The following DOK7 variants were observed in gnomAD, a reference collection of about 807,000 sequenced individuals.
The protein encoded by DOK7 is protein Dok-7.
In DOK7, 32 loss-of-function variants were observed where a neutral mutation model predicts 30.7. The observed-to-expected ratio is 1.04, with a 90% CI of 0.79 to 1.40. The LOEUF is 1.40. Ranked by LOEUF, DOK7 falls within the 40% of genes most tolerant of loss-of-function variation. The pLI, the probability that DOK7 is intolerant of heterozygous loss-of-function variation, is 0.00. For synonymous variants in DOK7, 447 were observed against 324.1 expected (o/e 1.38, Z -4.07); for missense variants, 1,007 against 699.2 (o/e 1.44, Z -4.97).
intron 2 of DOK7, among the ~76,000 whole-genome samples, chr4:3,472,573 C>G (rs1726820791): frequency 1.3e-5 from 2 of 152,232 alleles, no homozygotes; most frequent in Non-Finnish European, 2.9e-5. Flanking sequence ...ACCTGCTGCC[C>G]CCGCCATTCA....
chr4:3,491,142 CCCATTCCTTCCTTCCTT>C (rs1728375564), intron 6 of DOK7, among the ~76,000 whole-genome samples: 1 of 106,056 alleles, frequency 9.4e-6, no homozygotes, highest in Non-Finnish European at 1.9e-5. Flanking sequence ...CTCCCTTCCC[CCCATTCCTTCCTTCCTT>C]CTTCCTCCTG....
intron 6 of DOK7, among the ~76,000 whole-genome samples, chr4:3,491,031 TCCC>T (rs200086860): frequency 2.7e-5 from 2 of 73,324 alleles, no homozygotes; most frequent in African/African-American, 1.0e-4. Flanking sequence ...ATTCCTTCCT[TCCC>T]CCCCATTCCT....
rs1245946143 is a variant in DOK7 at position 3,473,588 on chromosome 4, G to A, written c.283G>A (p.Glu95Lys). 1.2e-6 allele frequency: 2 copies of A among 1,607,012 alleles called. No homozygotes were observed. The highest frequency in any genetic ancestry group is 1.7e-5 in the Admixed American group (1 of 59,660). ...QAIMLGFDSH[E>K]AMCAWDARIR... ...CATCATGCTGGGCTTTGACAGCCAC[G>A]AGGCCATGTGTGCGTGGGATGCCCG... is the stretch of plus-strand genomic sequence containing the variant. Residue 95 changes from glutamate (E) to lysine (K), a missense_variant, in exon 3 of 7, where the codon GAG becomes AAG. By Grantham distance (56) the Glu-to-Lys change is moderately conservative. Transcript: ENST00000340083.
In DOK7 at chr4:3,487,935, C is replaced by T. The variant is rs558435885; in HGVS notation, c.653-1742C>T. ...GTGCACCAAGGAGCCAGGACTGGTG[C>T]CTGCTGTCCTGCCCACGTGGCTGAA... On this transcript the variant is annotated intron_variant, in intron 5 of 6. Coordinates refer to ENST00000340083, the MANE Select transcript of DOK7 (RefSeq NM_173660.5). 3.9e-5 allele frequency among the ~76,000 whole-genome samples: 6 copies of T among 152,352 alleles called. No individual in the cohort carries two copies. In the East Asian group the frequency reaches 9.6e-4, roughly 24 times the overall value.
chr4:3,473,044 G>A (rs78412317), intron 2 of DOK7, among the ~76,000 whole-genome samples: 5,101 of 152,298 alleles, frequency 0.033, 119 homozygotes, highest in Non-Finnish European at 0.049. Flanking sequence ...CCCCACGCTG[G>A]GCCCCCAAGC....
chr4:3,471,702 G>T (rs909520995), intron 2 of DOK7, among the ~76,000 whole-genome samples: 1 of 152,250 alleles, frequency 6.6e-6, no homozygotes, highest in Non-Finnish European at 1.5e-5. Context: ...CGCTGTGTTT[G>T]ATTTCTCTCT....
intron 4 of DOK7, chr4:3,484,699 G>A (rs1329346311): frequency 3.0e-6 from 3 of 985,384 alleles, no homozygotes; most frequent in Admixed American, 6.1e-5. Flanking sequence ...GGGGGTGCAG[G>A]GGTGGATGCT....
At chr4:3,494,495 A>G, downstream of DOK7, 2 of 985,512 alleles carry the variant, frequency 2.0e-6, no homozygotes, top group Non-Finnish European at 2.4e-6. Flanking sequence ...ACCTTGTCCT[A>G]GTCCGTTGCC....
At chr4:3,489,984 CCCACCA>C in intron 6 of DOK7, among the ~76,000 whole-genome samples, 188 bp downstream of exon 6, 1 of 133,462 alleles carries the variant, frequency 7.5e-6, no homozygotes, top group Non-Finnish European at 1.6e-5. Flanking sequence ...TCCTTCCTTC[CCCACCA>C]CCCTGCTCAT....
At position 3,493,341 on chromosome 4, in the gene DOK7, G is replaced by A. The variant is rs777057956; in HGVS notation, c.1355G>A (p.Arg452Gln). The change falls in exon 7 of 7, where the codon CGG (arginine) becomes CAG (glutamine). Residue 452 changes from arginine to glutamine, a missense_variant. By Grantham distance (43) the Arg-to-Gln change is conservative (BLOSUM62 1). Transcript: ENST00000340083. ...TCTGGCTGGCTGGGCACGAGACGGC[G>A]GGGCCTGGTGATGGAGGCCCCCCAG... Reference protein sequence around the residue: ...CPSGWLGTRRRGLVMEAPQGS... With the variant: ...CPSGWLGTRRQGLVMEAPQGS... 108 of 1,599,096 alleles carry A rather than the reference G, an allele frequency of 6.8e-5. No individual in the cohort carries two copies. Among genetic ancestry groups the A allele is most frequent in the East Asian group, 1.4e-4 (6 of 44,232 alleles).
At chr4:3,495,481 G>C (rs965233955), downstream of DOK7, among the ~76,000 whole-genome samples, 1 of 152,240 alleles carries the variant, frequency 6.6e-6, no homozygotes, top group Admixed American at 6.5e-5. Context: ...CCCCTGGACA[G>C]CCTTTCCCTG....
chr4:3,466,123 C>G (rs1210144694), intron 2 of DOK7, among the ~76,000 whole-genome samples: 1 of 152,218 alleles, frequency 6.6e-6, no homozygotes, highest in Non-Finnish European at 1.5e-5. Flanking sequence ...TGGGGGGAAG[C>G]TGAAACTCAG....
chr4:3,473,584 C>G lies in DOK7; in HGVS notation c.279C>G (p.Ser93Arg). The G allele has an allele frequency of 6.2e-7, 1 of 1,608,310 alleles. No homozygotes were observed. Among genetic ancestry groups the G allele is most frequent in the Non-Finnish European group, 8.5e-7 (1 of 1,177,798 alleles). ...LSQAIMLGFD[S>R]HEAMCAWDAR... The stretch of plus-strand genomic sequence containing the variant: ...AGGCCATCATGCTGGGCTTTGACAG[C>G]CACGAGGCCATGTGTGCGTGGGATG... Residue 93 changes from serine to arginine, a missense_variant, in exon 3 of 7, where the codon AGC becomes AGG. Ser to Arg is a moderately radical substitution (Grantham distance 110, BLOSUM62 -1). Coordinates refer to ENST00000340083, the MANE Select transcript of DOK7 (RefSeq NM_173660.5).
intron 2 of DOK7, among the ~76,000 whole-genome samples, chr4:3,472,306 C>T (rs569909499): frequency 4.6e-5 from 7 of 152,366 alleles, no homozygotes; most frequent in Admixed American, 3.3e-4. Context: ...GAAGAGTGAG[C>T]ACCTGCTTTT....
intron 2 of DOK7, among the ~76,000 whole-genome samples, chr4:3,471,920 C>T (rs11947232): frequency 0.24 from 35,966 of 152,160 alleles, 5,142 homozygotes; most frequent in African/African-American, 0.43. Context: ...GCACTGTCGC[C>T]GCGCCCACAC....
chr4:3,480,654 C>G (rs1360086254), intron 4 of DOK7, among the ~76,000 whole-genome samples: 1 of 152,220 alleles, frequency 6.6e-6, no homozygotes, highest in Admixed American at 6.5e-5. Context: ...GAGGCTCTTG[C>G]TACATGAACG....
intron 5 of DOK7, among the ~76,000 whole-genome samples, chr4:3,486,280 T>C (rs1053829320): frequency 1.3e-5 from 2 of 152,162 alleles, no homozygotes; most frequent in African/African-American, 4.8e-5. Context: ...CTGGGCACGG[T>C]GGGGCTCCCC....
chr4:3,467,564 C>T (rs113263622), intron 2 of DOK7, among the ~76,000 whole-genome samples: 3,802 of 150,724 alleles, frequency 0.025, 155 homozygotes, highest in African/African-American at 0.087. Context: ...TGTGCACGTG[C>T]GTGTGTGTGT....
At position 3,485,561 on chromosome 4, in the gene DOK7, C is replaced by T; in HGVS notation, c.555C>T (p.Ser185=). 1.2e-6 allele frequency: 2 copies of T among 1,605,986 alleles called. No homozygotes were observed. The highest frequency in any genetic ancestry group is 1.3e-5 in the African/African-American group (1 of 74,716). ...CGYWAGVFFL[S]SAEGEQISFL... is the part of the protein sequence containing the mutation. The stretch of plus-strand genomic sequence containing the variant: ...CAGGGGCTGGCGTCTTCTTCCTGTC[C>T]TCGGCCGAGGGGGAGCAGATCAGCT... The change falls in exon 5 of 7, where the codon TCC becomes TCT. Residue 185 remains serine (S), a synonymous_variant. Transcript: ENST00000340083.
Sources: gnomAD v4.1 joint callset for allele counts (sites outside exome capture counted in the v4.1 genomes callset) on GRCh38, gnomAD v4.1.1 for gene constraint, MANE v1.5 for transcripts, NCBI Gene and HGNC (gene_info 2026-07-23, HGNC 2026-07-21) for gene names.